The following SLC39A11 variants were observed in gnomAD, a reference collection of about 807,000 sequenced individuals.
The protein encoded by SLC39A11 is zinc transporter ZIP11.
A neutral mutation model predicts 36.1 loss-of-function variants in SLC39A11; 33 were observed. The observed-to-expected ratio is 0.91, with a 90% CI of 0.69 to 1.22. The LOEUF (loss-of-function observed/expected upper bound fraction) is 1.22, where lower values mean the gene tolerates loss of function less well. Among genes scored for constraint, SLC39A11 ranks in the 50% most tolerant of loss-of-function variants. SLC39A11 has a pLI of 0.00. For synonymous variants in SLC39A11, 166 were observed against 170.3 expected (o/e 0.97, Z 0.20); for missense variants, 432 against 430.3 (o/e 1.00, Z -0.03).
intron 3 of SLC39A11, among the ~76,000 whole-genome samples, chr17:73,036,637 G>T (rs1275366275): frequency 6.6e-6 from 1 of 152,010 alleles, no homozygotes; most frequent in Non-Finnish European, 1.5e-5. Context: ...AGTAGAGATG[G>T]GTTTTCACCA....
chr17:73,067,989 A>G (rs1388332618), intron 3 of SLC39A11: 21 of 1,595,242 alleles, frequency 1.3e-5, no homozygotes, highest in Non-Finnish European at 1.3e-5. Context: ...ACATAAATAA[A>G]CAACTGTTCT....
chr17:72,763,478 T>C (rs532020260), intron 6 of SLC39A11, among the ~76,000 whole-genome samples: 20 of 152,224 alleles, frequency 1.3e-4, no homozygotes, highest in Non-Finnish European at 2.4e-4. Context: ...TCCTAATGTA[T>C]TTGACAACGG....
chr17:72,976,235 AT>A (rs1260942889), intron 4 of SLC39A11, among the ~76,000 whole-genome samples: 1 of 151,098 alleles, frequency 6.6e-6, no homozygotes, highest in African/African-American at 2.4e-5. Context: ...TAATATTTGA[AT>A]TTTTAAATTA....
At chr17:73,042,887 T>C (rs565746716) in intron 3 of SLC39A11, among the ~76,000 whole-genome samples, 2 of 152,288 alleles carry the variant, frequency 1.3e-5, no homozygotes, top group African/African-American at 2.4e-5. Context: ...CCAAATCAGA[T>C]ATAAAATTAA....
At chr17:73,060,928 T>C (rs973052953) in intron 3 of SLC39A11, among the ~76,000 whole-genome samples, 6 of 152,216 alleles carry the variant, frequency 3.9e-5, no homozygotes, top group Non-Finnish European at 8.8e-5. Flanking sequence ...GTCCTGTCAC[T>C]CACAGACGGT....
intron 6 of SLC39A11, among the ~76,000 whole-genome samples, chr17:72,740,720 G>A (rs79953914): frequency 0.021 from 3,126 of 152,268 alleles, 100 homozygotes; most frequent in African/African-American, 0.071. Flanking sequence ...ATTCACTGCA[G>A]AGATGAACTG....
chr17:72,715,200 G>A (rs186729289), intron 7 of SLC39A11, among the ~76,000 whole-genome samples: 244 of 152,294 alleles, frequency 1.6e-3, no homozygotes, highest in African/African-American at 5.7e-3. Context: ...CTCTGCCCAA[G>A]GGCACGATGT....
chr17:72,877,725 C>T (rs77291499), intron 5 of SLC39A11, among the ~76,000 whole-genome samples: 2,963 of 152,194 alleles, frequency 0.019, 58 homozygotes, highest in Middle Eastern at 0.037. Flanking sequence ...CTTGGAGAGA[C>T]CGGGGACAGC....
intron 2 of SLC39A11, among the ~76,000 whole-genome samples, chr17:73,087,682 G>C (rs2060779306): frequency 6.6e-6 from 1 of 152,024 alleles, no homozygotes; most frequent in Admixed American, 6.6e-5. Flanking sequence ...GTGTAGAAGG[G>C]GTGTAAGGAT....
chr17:72,961,847 C>A (rs2086634918), intron 4 of SLC39A11, among the ~76,000 whole-genome samples: 1 of 152,104 alleles, frequency 6.6e-6, no homozygotes, highest in African/African-American at 2.4e-5. Context: ...TGTATCAAAC[C>A]TGCACATTGT....
chr17:72,751,420 T>G, intron 6 of SLC39A11, among the ~76,000 whole-genome samples: 1 of 152,196 alleles, frequency 6.6e-6, no homozygotes, highest in East Asian at 1.9e-4. Flanking sequence ...TTAATTAGGT[T>G]CTTTCCTTCC....
Position 72,900,108 on chromosome 17 carries a change from AAAAAGAAAGAAAGAAAAG to A in SLC39A11, c.430+47626_430+47643del, listed in dbSNP as rs1181018265. On this transcript the variant is annotated intron_variant, in intron 5 of 9. Transcript: ENST00000255559. ...AAAGAGAAAGAGAAAAGAAAGAAAG[AAAAAGAAAGAAAGAAAAG>A]AAAGAAAGAAAGAAAAAGAAAGAAA... Among the ~76,000 whole-genome samples the A allele has an allele frequency of 1.6e-3, 194 of 120,472 alleles. 34 individuals are homozygous for A. Among genetic ancestry groups the A allele is most frequent in the African/African-American group, 7.7e-3 (184 of 23,906 alleles). 79.0% of individuals were successfully genotyped at this position (120,472 alleles called of 152,430 possible). A position where few individuals can be genotyped will look rare whatever the true frequency, so the allele number is the denominator to read the frequency against.
intron 5 of SLC39A11, among the ~76,000 whole-genome samples, chr17:72,904,216 T>C (rs1399145361): frequency 6.6e-6 from 1 of 151,994 alleles, no homozygotes; most frequent in Non-Finnish European, 1.5e-5. Context: ...GAGGAACATG[T>C]GAGTTCGAGA....
chr17:72,975,263 A>T (rs1000608609), intron 4 of SLC39A11, among the ~76,000 whole-genome samples: 2 of 152,060 alleles, frequency 1.3e-5, no homozygotes, highest in African/African-American at 4.8e-5. Flanking sequence ...ACATGGTGAA[A>T]CCCTGTCCCT....
intron 5 of SLC39A11, among the ~76,000 whole-genome samples, chr17:72,904,141 G>A (rs917522191): frequency 6.6e-6 from 1 of 152,268 alleles, no homozygotes; most frequent in South Asian, 2.1e-4. Context: ...CCTCAAAAGC[G>A]GTGAGCCCAA....
At chr17:73,033,128 G>T (rs1032310407) in intron 3 of SLC39A11, among the ~76,000 whole-genome samples, 3 of 152,140 alleles carry the variant, frequency 2.0e-5, no homozygotes, top group Admixed American at 1.3e-4. Context: ...TCACAATAGG[G>T]TTCACGTTCC....
At chr17:72,953,063 C>T (rs1214990810) in intron 4 of SLC39A11, among the ~76,000 whole-genome samples, 1 of 152,168 alleles carries the variant, frequency 6.6e-6, no homozygotes, top group Non-Finnish European at 1.5e-5. Context: ...TGTCCTTCTT[C>T]CCGCATCCCC....
intron 6 of SLC39A11, among the ~76,000 whole-genome samples, chr17:72,817,058 A>G (rs926568471): frequency 1.3e-5 from 2 of 151,964 alleles, no homozygotes; most frequent in African/African-American, 4.8e-5. Context: ...AAAGTGTTAA[A>G]TAAGAACAGG....
At chr17:72,728,404 T>C (rs973258230) in intron 7 of SLC39A11, among the ~76,000 whole-genome samples, 6 of 152,106 alleles carry the variant, frequency 3.9e-5, no homozygotes, top group Non-Finnish European at 8.8e-5. Flanking sequence ...ATTGCACCAC[T>C]GCACTACAGC....
Sources: gnomAD v4.1 joint callset for allele counts (sites outside exome capture counted in the v4.1 genomes callset) on GRCh38, gnomAD v4.1.1 for gene constraint, MANE v1.5 for transcripts, NCBI Gene and HGNC (gene_info 2026-07-23, HGNC 2026-07-21) for gene names.